GRM8: variants seen among roughly 807,000 people sequenced by gnomAD.
The protein encoded by GRM8 is glutamate metabotropic receptor 8, also known as metabotropic glutamate receptor 8.
In GRM8, 47 loss-of-function variants were observed where a neutral mutation model predicts 87.2. The observed-to-expected ratio is 0.54, with a 90% confidence interval of 0.43 to 0.69. GRM8 has a LOEUF of 0.69. Among genes scored for constraint, GRM8 ranks in the 30% least tolerant of loss-of-function variants. The probability of loss-of-function intolerance (pLI) is 0.00; values close to 1 mark genes in which losing one functional copy is unlikely to be tolerated. For missense variants in GRM8, 1,019 were observed against 1,139.2 expected (o/e 0.89, Z 1.52); for synonymous variants, 396 against 404.5 (o/e 0.98, Z 0.25).
chr7:126,857,464 A>G lies in GRM8; in HGVS notation c.1156+45078T>C, dbSNP rs181607855. The stretch of plus-strand genomic sequence containing the variant: ...ATCATCATTTGCTCCCTAAAACTGG[A>G]TCACTTCCATTCATAAACAAATGTG... On this transcript the variant is annotated intron_variant, in intron 6 of 10. Transcript: ENST00000339582. Among the ~76,000 whole-genome samples the G allele has an allele frequency of 3.9e-5, 6 of 152,264 alleles. No homozygotes were observed. The East Asian group carries it at 1.2e-3, about 29-fold the overall frequency.
intron 6 of GRM8, among the ~76,000 whole-genome samples, chr7:126,827,487 G>A (rs1370830749): frequency 6.6e-6 from 1 of 152,166 alleles, no homozygotes; most frequent in South Asian, 2.1e-4. Flanking sequence ...TTGTGAATGG[G>A]AGTTCACTCA....
At chr7:126,671,001 C>A (rs1806317680) in intron 7 of GRM8, among the ~76,000 whole-genome samples, 1 of 152,156 alleles carries the variant, frequency 6.6e-6, no homozygotes, top group Non-Finnish European at 1.5e-5. Context: ...ATCCATTTTT[C>A]TTTTGCAACA....
intron 7 of GRM8, among the ~76,000 whole-genome samples, chr7:126,683,779 G>C (rs1807873597): frequency 6.6e-6 from 1 of 152,146 alleles, no homozygotes; most frequent in Admixed American, 6.5e-5. Context: ...AAAGACTTAT[G>C]GTCTTTGGAT....
At chr7:126,844,096 T>A (rs1196167221) in intron 6 of GRM8, among the ~76,000 whole-genome samples, 1 of 152,214 alleles carries the variant, frequency 6.6e-6, no homozygotes, top group African/African-American at 2.4e-5. Flanking sequence ...TAAGAACTTC[T>A]GTTAATCTTC....
intron 6 of GRM8, among the ~76,000 whole-genome samples, chr7:126,837,148 A>G (rs577482923): frequency 5.3e-5 from 8 of 152,302 alleles, no homozygotes; most frequent in Admixed American, 1.3e-4. Context: ...GCATAGGCAT[A>G]TCCAGAAAGG....
intron 9 of GRM8, among the ~76,000 whole-genome samples, chr7:126,453,481 G>A (rs1247630827): frequency 1.3e-5 from 2 of 151,698 alleles, no homozygotes; most frequent in Non-Finnish European, 2.9e-5. Context: ...CTCCTGTGAG[G>A]TCTTTCTGAA....
intron 8 of GRM8, among the ~76,000 whole-genome samples, chr7:126,584,178 A>G (rs1795877109): frequency 6.6e-6 from 1 of 152,098 alleles, no homozygotes; most frequent in Non-Finnish European, 1.5e-5. Context: ...GTTTTTTTAG[A>G]TATATTGCCA....
chr7:126,997,152 T>TA (rs57340053), intron 3 of GRM8, among the ~76,000 whole-genome samples: 54 of 146,162 alleles, frequency 3.7e-4, no homozygotes, highest in Middle Eastern at 3.6e-3. Flanking sequence ...TTTTGTACAC[T>TA]AAAAAAAAAA....
chr7:126,604,083 G>A (rs1317890597), intron 8 of GRM8, among the ~76,000 whole-genome samples: 1 of 151,510 alleles, frequency 6.6e-6, no homozygotes, highest in East Asian at 1.9e-4. Context: ...TTTAATCCAA[G>A]CAAGCCAAGG....
chr7:126,670,871 A>T (rs939376361), intron 7 of GRM8, among the ~76,000 whole-genome samples: 11 of 152,214 alleles, frequency 7.2e-5, no homozygotes, highest in Admixed American at 7.2e-4. Context: ...AGTGAAGTAT[A>T]CACTCCTGTG....
At chr7:126,771,939 C>T (rs1040734784) in intron 6 of GRM8, among the ~76,000 whole-genome samples, 2 of 152,118 alleles carry the variant, frequency 1.3e-5, no homozygotes, top group Non-Finnish European at 2.9e-5. Flanking sequence ...TGTTCTCTCC[C>T]TATCCCTAGG....
chr7:126,452,845 A>T (rs1802784948), intron 9 of GRM8, among the ~76,000 whole-genome samples: 1 of 151,710 alleles, frequency 6.6e-6, no homozygotes, highest in Non-Finnish European at 1.5e-5. Flanking sequence ...CACTCACATT[A>T]CTTCTAAGTT....
At chr7:127,228,473 G>A (rs1178348406) in intron 2 of GRM8, 1 of 152,144 alleles carries the variant, frequency 6.6e-6, no homozygotes, top group African/African-American at 2.4e-5. Flanking sequence ...CACAAGACAG[G>A]AGAATTGAGC....
At chr7:127,139,258 T>A (rs1185710549) in intron 2 of GRM8, among the ~76,000 whole-genome samples, 1 of 152,122 alleles carries the variant, frequency 6.6e-6, no homozygotes, top group Middle Eastern at 3.2e-3. Flanking sequence ...AGTGTGACAG[T>A]ATCTGGAACA....
chr7:127,144,209 G>T (rs17862304), intron 2 of GRM8, among the ~76,000 whole-genome samples: 16,391 of 152,016 alleles, frequency 0.11, 1,009 homozygotes, highest in African/African-American at 0.15. Flanking sequence ...AGCAGCACTG[G>T]CTCATCTCAT....
chr7:127,035,551 C>T (rs1236156786), intron 3 of GRM8, among the ~76,000 whole-genome samples: 1 of 152,176 alleles, frequency 6.6e-6, no homozygotes, highest in African/African-American at 2.4e-5. Flanking sequence ...ACTTGTTTCT[C>T]AGCTTATCTC....
chr7:126,950,226 A>T (rs1807984307), intron 3 of GRM8, among the ~76,000 whole-genome samples: 1 of 152,152 alleles, frequency 6.6e-6, no homozygotes, highest in Non-Finnish European at 1.5e-5. Context: ...GATTAATCAG[A>T]CCTTAGGTTG....
intron 6 of GRM8, among the ~76,000 whole-genome samples, chr7:126,892,764 G>A (rs1801178908): frequency 6.6e-6 from 1 of 152,028 alleles, no homozygotes; most frequent in Non-Finnish European, 1.5e-5. Context: ...CAGTGTAAAA[G>A]TGTTCCTATT....
At chr7:127,118,637 A>G (rs1826844894) in intron 2 of GRM8, among the ~76,000 whole-genome samples, 2 of 152,238 alleles carry the variant, frequency 1.3e-5, no homozygotes, top group Admixed American at 1.3e-4. Context: ...TGACTAAACC[A>G]TAATCTGGAG....
Sources: allele counts gnomAD v4.1 joint callset (sites outside exome capture counted in the v4.1 genomes callset), GRCh38; gene constraint gnomAD v4.1.1; transcripts MANE v1.5; gene names NCBI Gene and HGNC (gene_info 2026-07-23, HGNC 2026-07-21).